Variants in EPG5 observed in about 807,000 individuals in gnomAD.
EPG5 encodes the protein ectopic P-granules 5 autophagy tethering factor.
EPG5 carries 159 observed loss-of-function variants against 302.7 expected under a neutral mutation model. The ratio of observed to expected loss-of-function variants is 0.53; its 90% confidence interval spans 0.46 to 0.60. The LOEUF is 0.60. Ranked by LOEUF, EPG5 falls within the 20% of genes least tolerant of loss-of-function variation. EPG5 has a pLI of 0.00. For missense variants in EPG5, 2,896 were observed against 3,092.4 expected, an observed-to-expected ratio of 0.94 and a Z score of 1.51; for synonymous variants, 1,158 against 1,136.8, an observed-to-expected ratio of 1.02 and a Z score of -0.37.
chr18:45,800,883 C>G, the EPG5 span, among the ~76,000 whole-genome samples: 4 of 152,222 alleles, frequency 2.6e-5, no homozygotes, highest in Admixed American at 2.6e-4. Context: ...AGGTGAGCGT[C>G]TTGATACCTG....
At position 45,858,761 on chromosome 18, in the gene EPG5, C is replaced by T. The variant is rs1160282356; in HGVS notation, c.7031G>A (p.Gly2344Glu). 2.0e-5 allele frequency: 33 copies of T among 1,613,790 alleles called. No individual in the cohort carries two copies. The highest frequency in any genetic ancestry group is 2.7e-5 in the Non-Finnish European group (32 of 1,179,790). ...AAGGGATACCAGAATGGGTCCCCAT[C>T]CTGAATTCTGATTGAGAGGGCCTAA... ...FKESPLNQNS[G>E]WGPILVSLQV... is the part of the protein sequence containing the mutation. The change falls in exon 41 of 44, where the codon GGA becomes GAA. Residue 2344 changes from glycine to glutamate, a missense_variant. Around this residue, in one of 5 missense-constraint regions of EPG5, gnomAD observed 620 missense variants for 704.2 expected, o/e 0.88. Transcript: ENST00000282041.
chr18:45,839,127 G>GGGGCC, the EPG5 span: 1 of 1,360,036 alleles, frequency 7.4e-7, no homozygotes. Flanking sequence ...GTGGCCGCGA[G>GGGGCC]GGGCCGGGCC....
At chr18:45,833,093 C>T in the EPG5 span, among the ~76,000 whole-genome samples, 1 of 152,116 alleles carries the variant, frequency 6.6e-6, no homozygotes, top group African/African-American at 2.4e-5. Flanking sequence ...ATTTGCAGCA[C>T]ACTTCAGGAC....
At position 45,954,824 on chromosome 18, in the gene EPG5, T is replaced by C. The variant is rs1296973157; in HGVS notation, c.578A>G (p.Gln193Arg). The change falls in exon 2 of 44, where the codon CAG becomes CGG. Residue 193 changes from glutamine to arginine, a missense_variant. Gln to Arg is a conservative substitution (Grantham distance 43). This residue lies in a region of EPG5 where 1,390 missense variants were observed against 1,430.0 expected (regional missense o/e 0.97). Transcript: ENST00000282041. ...GCAAGAACTCTGCAAGCCAACATTC[T>C]GTGGCACCTCTGAAGAACAAACCAG... Reference protein sequence around the residue: ...QGLVCSSEVPQNVGLQSSCPA... With the variant: ...QGLVCSSEVPRNVGLQSSCPA... 6.2e-7 allele frequency: 1 copy of C among 1,614,118 alleles called. No homozygotes were observed. Among genetic ancestry groups the C allele is most frequent in the Non-Finnish European group, 8.5e-7 (1 of 1,180,042 alleles).
chr18:45,865,881 G>A, intron 38 of EPG5, 122 bp from the exon 39 acceptor site: 2 of 1,136,590 alleles, frequency 1.8e-6, no homozygotes, highest in Non-Finnish European at 2.5e-6. Context: ...GGACAGAACA[G>A]GAAGCCACAT....
the EPG5 span, among the ~76,000 whole-genome samples, chr18:45,833,936 C>T: frequency 6.6e-6 from 1 of 152,106 alleles, no homozygotes; most frequent in East Asian, 1.9e-4. Context: ...CCCATGAATC[C>T]ATGGCAACAT....
In EPG5 at chr18:45,880,181, G is replaced by A. The variant is rs1455455939; in HGVS notation, c.5561C>T (p.Thr1854Ile). 2 of 1,610,736 alleles carry A rather than the reference G, an allele frequency of 1.2e-6. No homozygotes were observed. Among genetic ancestry groups the A allele is most frequent in the Admixed American group, 3.3e-5 (2 of 59,804 alleles). Residue 1854 changes from threonine to isoleucine, a missense_variant, in exon 32 of 44, where the codon ACT (threonine) becomes ATT (isoleucine). By Grantham distance (89) the Thr-to-Ile change is moderately conservative. This residue lies in a region of EPG5 where 790 missense variants were observed against 798.0 expected (regional missense o/e 0.99). Transcript: ENST00000282041. ...QLLSPECWKA[T>I]LRALGCCAPS... ...GGCGCAGCAGCCCAGGGCTCTCAGA[G>A]TGGCCTTCCAACACTCGGGGCTCAG...
At chr18:45,967,130 G>C in intron 1 of EPG5, 47 bp downstream of exon 1, 1 of 1,545,100 alleles carries the variant, frequency 6.5e-7, no homozygotes, top group Non-Finnish European at 8.8e-7. Flanking sequence ...GGAGCAAGGA[G>C]ACACAGCACA....
Position 45,954,860 on chromosome 18 carries a change from TC to T in EPG5, c.541del (p.Asp181ThrfsTer32). On this transcript the variant is annotated frameshift_variant, in exon 2 of 44. Coordinates refer to ENST00000282041, the MANE Select transcript of EPG5 (RefSeq NM_020964.3). LOFTEE classifies it high-confidence loss of function. ...QVRETQNSKE[D>X]KQGLVCSSEV... ...TGAAGAACAAACCAGGCCTTGTTTG[TC>T]TTCTTTACTATTCTGAGTTTCTCTG... 1 of 1,614,224 alleles carries T rather than the reference TC, an allele frequency of 6.2e-7. No homozygotes were observed. Among genetic ancestry groups the T allele is most frequent in the Non-Finnish European group, 8.5e-7 (1 of 1,180,036 alleles).
Position 45,954,869 on chromosome 18 carries a change from C to G in EPG5, c.533G>C (p.Ser178Thr), listed in dbSNP as rs1202088395. 1 of 1,614,154 alleles carries G rather than the reference C, an allele frequency of 6.2e-7. No homozygotes were observed. Among genetic ancestry groups the G allele is most frequent in the Admixed American group, 1.7e-5 (1 of 60,020 alleles). Residue 178 changes from serine (S) to threonine (T), a missense_variant, in exon 2 of 44, where the codon AGT becomes ACT. This residue lies in a region of EPG5 where 1,390 missense variants were observed against 1,430.0 expected (regional missense o/e 0.97). Transcript: ENST00000282041. The part of the protein sequence containing the change: ...ENIQVRETQN[S>T]KEDKQGLVCS... ...AACCAGGCCTTGTTTGTCTTCTTTA[C>G]TATTCTGAGTTTCTCTGACTTGTAT...
intron 10 of EPG5, 70 bp downstream of exon 10, chr18:45,939,528 TGG>T: frequency 7.1e-7 from 1 of 1,407,806 alleles, no homozygotes; most frequent in Non-Finnish European, 9.9e-7. Context: ...CCTACTTAAG[TGG>T]CTTTCACCGA....
the EPG5 span, among the ~76,000 whole-genome samples, chr18:45,803,349 G>A: frequency 6.6e-6 from 1 of 152,130 alleles, no homozygotes; most frequent in African/African-American, 2.4e-5. Context: ...CTCAGGGGTT[G>A]GGAGAGGACA....
rs1405248698 is a variant in EPG5, at chr18:45,850,440, T to A, written c.*2027A>T. ...CACGTTCCTAGCCCAGAGTTTCCCATAGACACCTAGGAGTTGAGTCAACCT... is the reference window on the plus strand; with the variant it reads ...CACGTTCCTAGCCCAGAGTTTCCCAAAGACACCTAGGAGTTGAGTCAACCT... On this transcript the variant is annotated 3_prime_UTR_variant, in exon 44 of 44. Coordinates refer to ENST00000282041, the MANE Select transcript of EPG5 (RefSeq NM_020964.3). 1.3e-5 allele frequency: 2 copies of A among 152,148 alleles called. No individual in the cohort carries two copies. Among genetic ancestry groups the A allele is most frequent in the South Asian group, 2.1e-4 (1 of 4,828 alleles). 9.4% of individuals were successfully genotyped at this position (152,148 alleles called of 1,614,324 possible). A position where few individuals can be genotyped will look rare whatever the true frequency, so the allele number is the denominator to read the frequency against.
chr18:45,941,520 A>G (rs1451485204), intron 9 of EPG5, among the ~76,000 whole-genome samples: 1 of 152,222 alleles, frequency 6.6e-6, no homozygotes, highest in African/African-American at 2.4e-5. Flanking sequence ...AAGGTATGAG[A>G]AGAATCTGCA....
At chr18:45,875,949 C>T (rs1280100567) in intron 35 of EPG5, among the ~76,000 whole-genome samples, 19 of 151,446 alleles carry the variant, frequency 1.3e-4, no homozygotes, top group Admixed American at 1.2e-3. Context: ...CCCAGCTACT[C>T]GGGAGGCTGA....
rs556366652 is a variant in EPG5 at position 45,966,722 on chromosome 18, G to A, written c.63+455C>T. ...TTTCAAAGTGATCAGAAATGGCACA[G>A]CACTAGTCTACTTATAAAGTTCTGC... is the stretch of plus-strand genomic sequence containing the variant. On this transcript the variant is annotated intron_variant, in intron 1 of 43. Coordinates refer to ENST00000282041, the MANE Select transcript of EPG5 (RefSeq NM_020964.3). Among the ~76,000 whole-genome samples, 7 of 152,312 alleles carry A rather than the reference G, an allele frequency of 4.6e-5. No individual in the cohort carries two copies. In the South Asian group the frequency reaches 1.5e-3, roughly 32 times the overall value.
At chr18:45,829,223 A>G in the EPG5 span, 1 of 907,636 alleles carries the variant, frequency 1.1e-6, no homozygotes, top group Non-Finnish European at 1.3e-6. Context: ...AGCCTGCGGC[A>G]GAGGCATGGG....
intron 38 of EPG5, among the ~76,000 whole-genome samples, chr18:45,866,122 C>CTT (rs11390724): frequency 6.1e-4 from 87 of 141,522 alleles, no homozygotes; most frequent in African/African-American, 1.4e-3. Context: ...GGTACTATTT[C>CTT]TTTTTTTTTT....
At chr18:45,814,468 TG>T in the EPG5 span, among the ~76,000 whole-genome samples, 3 of 152,340 alleles carry the variant, frequency 2.0e-5, no homozygotes, top group East Asian at 5.8e-4. Context: ...AAGAACACCA[TG>T]GGACAGTTGG....
Sources: allele counts gnomAD v4.1 joint callset (sites outside exome capture counted in the v4.1 genomes callset), GRCh38; gene constraint gnomAD v4.1.1; regional missense constraint gnomAD v4.1.1; transcripts MANE v1.5; gene names NCBI Gene and HGNC (gene_info 2026-07-23, HGNC 2026-07-21).